The following RBM17 variants were observed in gnomAD, a reference collection of about 807,000 sequenced individuals.
The protein encoded by RBM17 is RNA binding motif protein 17.
RBM17 carries 7 observed loss-of-function variants against 53.2 expected under a neutral mutation model. The observed-to-expected ratio is 0.13, with a 90% CI of 0.07 to 0.25. The LOEUF is 0.25. Among genes scored for constraint, RBM17 ranks in the 10% least tolerant of loss-of-function variants. RBM17 has a pLI of 1.00. For synonymous variants in RBM17, 167 were observed against 178.1 expected (o/e 0.94, Z 0.50); for missense variants, 257 against 496.7 (o/e 0.52, Z 4.59).
intron 1 of RBM17, among the ~76,000 whole-genome samples, chr10:6,096,176 G>A (rs1840569806): frequency 6.6e-6 from 1 of 152,114 alleles, no homozygotes; most frequent in African/African-American, 2.4e-5. Flanking sequence ...GTTTCAGAAT[G>A]TTGATTTTTT....
intron 1 of RBM17, among the ~76,000 whole-genome samples, chr10:6,094,219 C>T (rs80132942): frequency 0.013 from 1,945 of 152,118 alleles, 98 homozygotes; most frequent in East Asian, 0.086. Flanking sequence ...ACCTCGTGAT[C>T]CACCCGCCTC....
rs1406029903 is a variant in RBM17, at chr10:6,112,484, G to A, written c.856+123G>A. The A allele has an allele frequency of 8.5e-7, 1 of 1,177,910 alleles. No homozygotes were observed. 73.0% of individuals were successfully genotyped at this position (1,177,910 alleles called of 1,614,324 possible). On this transcript the variant is annotated intron_variant, in intron 8 of 11. Coordinates refer to ENST00000379888, the MANE Select transcript of RBM17 (RefSeq NM_032905.5). The surrounding 1 kb of genome is among the most constrained non-coding windows in gnomAD (Gnocchi z 4.4). Reference sequence around the variant, plus strand: ...ATGAGGCGTGTGGCCAGAGGGAGAGGGCTGGCCCTGCCATCACTAGAACAC... The same window carrying A: ...ATGAGGCGTGTGGCCAGAGGGAGAGAGCTGGCCCTGCCATCACTAGAACAC...
chr10:6,097,993 T>C (rs983082178), intron 2 of RBM17, among the ~76,000 whole-genome samples: 3 of 152,224 alleles, frequency 2.0e-5, no homozygotes, highest in African/African-American at 7.2e-5. Flanking sequence ...ATAGGTAGTC[T>C]GGATGCTGAT....
chr10:6,107,500 T>TTTTTTTTTGG (rs1554835490), intron 5 of RBM17, among the ~76,000 whole-genome samples: 1 of 131,924 alleles, frequency 7.6e-6, no homozygotes, highest in African/African-American at 3.0e-5. Context: ...TTTTTTTTTT[T>TTTTTTTTTGG]GGAGACACTC....
chr10:6,114,211 C>A, intron 10 of RBM17, 64 bp downstream of exon 10: 1 of 951,826 alleles, frequency 1.1e-6, no homozygotes, highest in South Asian at 1.4e-5. Flanking sequence ...AAAACATTTT[C>A]TACAAACAGG....
chr10:6,109,772 G>C (rs1005135691), intron 6 of RBM17, among the ~76,000 whole-genome samples: 13 of 152,302 alleles, frequency 8.5e-5, no homozygotes, highest in South Asian at 2.1e-4. Context: ...GATAGAAATA[G>C]CAAAAGGAAA....
chr10:6,091,266 C>T (rs1840480705), intron 1 of RBM17, among the ~76,000 whole-genome samples: 1 of 151,960 alleles, frequency 6.6e-6, no homozygotes, highest in Non-Finnish European at 1.5e-5. Flanking sequence ...ACCATGTTGG[C>T]CAGGCTGGTC....
At chr10:6,096,562 A>T (rs1307443948) in intron 1 of RBM17, among the ~76,000 whole-genome samples, 1 of 152,170 alleles carries the variant, frequency 6.6e-6, no homozygotes, top group Non-Finnish European at 1.5e-5. Flanking sequence ...TGATAATTGT[A>T]ATTGACAAAA....
In RBM17 at chr10:6,112,038, A is replaced by C. The variant is rs1840846145; in HGVS notation, c.705-172A>C. 6.6e-6 allele frequency among the ~76,000 whole-genome samples: 1 copy of C among 152,082 alleles called. No homozygotes were observed. Among genetic ancestry groups the C allele is most frequent in the Non-Finnish European group, 1.5e-5 (1 of 68,020 alleles). On this transcript the variant is annotated intron_variant, in intron 7 of 11. Transcript: ENST00000379888. This position sits in a 1 kb window ranked among gnomAD's most constrained non-coding sequence, Gnocchi z 4.4. ...GCTTTTTCTATTTCTTTCATGCTGC[A>C]CATCCCCACAGCTTCCATCTAATAG...
In RBM17 at chr10:6,089,191, C is replaced by T. The variant is rs958630205; in HGVS notation, c.-21C>T. ...CATGGGCAGAGTCGGCCGGGCGGGC[C>T]GGGTAAGTGGCGCCCCGGCGGCCCC... On this transcript the variant is annotated splice_region_variant and 5_prime_UTR_variant, in exon 1 of 12. Coordinates refer to ENST00000379888, the MANE Select transcript of RBM17 (RefSeq NM_032905.5). This position sits in a 1 kb window ranked among gnomAD's most constrained non-coding sequence, Gnocchi z 5.6. 4.6e-5 allele frequency: 7 copies of T among 151,714 alleles called. No individual in the cohort carries two copies. The highest frequency in any genetic ancestry group is 1.7e-4 in the African/African-American group (7 of 41,350). 9.4% of individuals were successfully genotyped at this position (151,714 alleles called of 1,614,324 possible). A position where few individuals can be genotyped will look rare whatever the true frequency, so the allele number is the denominator to read the frequency against.
At position 6,110,068 on chromosome 10, in the gene RBM17, G is replaced by A; in HGVS notation, c.645G>A (p.Glu215=). ...CAGCCATTCCTCCCCCAGTGTACGA[G>A]GAACAAGACAGACCGAGATCTCCAA... ...SKAAIPPPVY[E]EQDRPRSPTG... is the part of the protein sequence containing the mutation. Residue 215 remains glutamate, a synonymous_variant, in exon 7 of 12, where the codon GAG becomes GAA. Coordinates refer to ENST00000379888, the MANE Select transcript of RBM17 (RefSeq NM_032905.5). The A allele has an allele frequency of 1.2e-6, 2 of 1,613,040 alleles. No individual in the cohort carries two copies. The highest frequency in any genetic ancestry group is 1.7e-6 in the Non-Finnish European group (2 of 1,179,336).
intron 3 of RBM17, among the ~76,000 whole-genome samples, chr10:6,102,304 G>A (rs1033154374): frequency 1.7e-4 from 26 of 152,124 alleles, no homozygotes; most frequent in Non-Finnish European, 8.8e-5. Context: ...GGGGCAAAGG[G>A]CACACTCCTG....
intron 2 of RBM17, 115 bp from the exon 3 acceptor site, chr10:6,101,156 G>A (rs890700707): frequency 1.3e-4 from 68 of 516,944 alleles, no homozygotes; most frequent in African/African-American, 1.1e-3. Flanking sequence ...TGAGATTATG[G>A]TTTTCTCATA....
chr10:6,109,383 T>A (rs2132951616), intron 6 of RBM17, among the ~76,000 whole-genome samples: 1 of 152,378 alleles, frequency 6.6e-6, no homozygotes, highest in Non-Finnish European at 1.5e-5. Flanking sequence ...TTAAAGAAGA[T>A]AATTTCTAAG....
At chr10:6,102,641 A>G (rs746907727) in intron 3 of RBM17, among the ~76,000 whole-genome samples, 2 of 152,152 alleles carry the variant, frequency 1.3e-5, no homozygotes, top group Non-Finnish European at 2.9e-5. Flanking sequence ...CTCCTATTTA[A>G]TGAGTAAGCC....
chr10:6,098,857 G>A (rs11256719), intron 2 of RBM17, among the ~76,000 whole-genome samples: 5,840 of 150,592 alleles, frequency 0.039, 206 homozygotes, highest in East Asian at 0.18. Flanking sequence ...CAATACACAG[G>A]TTTTTTTTCT....
rs1287220824 is a variant in RBM17, at chr10:6,113,716, G to A, written c.930+135G>A. The A allele has an allele frequency of 6.0e-6, 4 of 667,622 alleles. No individual in the cohort carries two copies. In the Admixed American group the frequency reaches 8.1e-5, roughly 14 times the overall value. 41.4% of individuals were successfully genotyped at this position (667,622 alleles called of 1,614,324 possible). On this transcript the variant is annotated intron_variant, in intron 9 of 11. Transcript: ENST00000379888. ...AATACTTTGGGCAGATCCCACGTAA[G>A]GCTGATTTTAGATTTTTCACTAATG...
chr10:6,105,245 A>C, intron 4 of RBM17, 148 bp downstream of exon 4: 1 of 700,474 alleles, frequency 1.4e-6, no homozygotes, highest in Non-Finnish European at 2.3e-6. Flanking sequence ...CTGTTTTACG[A>C]TTTGTACCTG....
intron 3 of RBM17, among the ~76,000 whole-genome samples, chr10:6,101,772 A>G (rs1002041539): frequency 3.9e-5 from 6 of 152,334 alleles, no homozygotes; most frequent in South Asian, 2.1e-4. Context: ...TGGCTTCACT[A>G]TATTCCCTTG....
Sources: allele counts gnomAD v4.1 joint callset (sites outside exome capture counted in the v4.1 genomes callset), GRCh38; gene constraint gnomAD v4.1.1; non-coding constraint Gnocchi (gnomAD v3.1); transcripts MANE v1.5; gene names NCBI Gene and HGNC (gene_info 2026-07-23, HGNC 2026-07-21).